CCDC68: variants seen among roughly 807,000 people sequenced by gnomAD.
CCDC68 encodes the protein coiled-coil domain-containing protein 68.
A neutral mutation model predicts 47.1 loss-of-function variants in CCDC68; 45 were observed. That is an observed-to-expected ratio of 0.96 (90% CI 0.75 to 1.23). CCDC68 has a LOEUF of 1.23. CCDC68 is among the 50% of genes most tolerant of loss of function. CCDC68 has a pLI of 0.00. For synonymous variants in CCDC68, 131 were observed against 129.5 expected (o/e 1.01, Z -0.08); for missense variants, 353 against 373.6 (o/e 0.94, Z 0.45).
intron 8 of CCDC68, among the ~76,000 whole-genome samples, chr18:54,927,214 C>G (rs1383077920): frequency 6.6e-6 from 1 of 152,090 alleles, no homozygotes; most frequent in Non-Finnish European, 1.5e-5. Flanking sequence ...ATGTATGATA[C>G]CTACAATCTG....
rs571347958 is a variant in CCDC68 at position 54,926,319 on chromosome 18, T to C, written c.683+2481A>G. Among the ~76,000 whole-genome samples, 9 of 152,298 alleles carry C rather than the reference T, an allele frequency of 5.9e-5. No homozygotes were observed. The East Asian group carries it at 1.7e-3, about 29-fold the overall frequency. On this transcript the variant is annotated intron_variant, in intron 8 of 11. Transcript: ENST00000591504. ...GTCATGTTGGAAGGGCAAGTAAACATGTCCTTCTTCACATGGCGGGCCAAA... is the reference window on the plus strand; with the variant it reads ...GTCATGTTGGAAGGGCAAGTAAACACGTCCTTCTTCACATGGCGGGCCAAA...
intron 2 of CCDC68, among the ~76,000 whole-genome samples, chr18:54,945,024 C>G (rs970715937): frequency 1.9e-4 from 29 of 152,246 alleles, no homozygotes; most frequent in African/African-American, 7.0e-4. Flanking sequence ...TGTAATTTTG[C>G]TAGCTGTGAT....
At chr18:54,916,991 T>C (rs1401503930) in intron 10 of CCDC68, among the ~76,000 whole-genome samples, 1 of 152,160 alleles carries the variant, frequency 6.6e-6, no homozygotes, top group Non-Finnish European at 1.5e-5. Context: ...CCTTCCGCCA[T>C]GCCATGATTG....
chr18:54,941,828 C>T (rs942464169), intron 3 of CCDC68, among the ~76,000 whole-genome samples: 1 of 151,996 alleles, frequency 6.6e-6, no homozygotes, highest in Non-Finnish European at 1.5e-5. Flanking sequence ...TGGAGTCTTG[C>T]TCTGTTGCCC....
rs756691126 is a variant in CCDC68 at position 54,942,773 on chromosome 18, T to C, written c.19A>G (p.Thr7Ala). 6.2e-7 allele frequency: 1 copy of C among 1,607,602 alleles called. No homozygotes were observed. Among genetic ancestry groups the C allele is most frequent in the Non-Finnish European group, 8.5e-7 (1 of 1,174,744 alleles). MTTVTV[T>A]TEIPPRDKME... ...TTATCCCTTGGGGGAATTTCTGTGGTCACTGTCACTGTTGTCATTGTGAAT... is the reference window on the plus strand; with the variant it reads ...TTATCCCTTGGGGGAATTTCTGTGGCCACTGTCACTGTTGTCATTGTGAAT... The change falls in exon 3 of 12, where the codon ACC becomes GCC. Residue 7 changes from threonine to alanine, a missense_variant. By Grantham distance (58) the Thr-to-Ala change is moderately conservative (BLOSUM62 0). Coordinates refer to ENST00000591504, the MANE Select transcript of CCDC68 (RefSeq NM_025214.3).
At chr18:54,909,247 T>A (rs1181847193) in intron 10 of CCDC68, among the ~76,000 whole-genome samples, 1 of 152,188 alleles carries the variant, frequency 6.6e-6, no homozygotes, top group Non-Finnish European at 1.5e-5. Context: ...CACACCCATA[T>A]AAAAGTGTCT....
chr18:54,937,842 G>T, intron 5 of CCDC68, 115 bp downstream of exon 5: 1 of 725,128 alleles, frequency 1.4e-6, no homozygotes, highest in Non-Finnish European at 2.1e-6. Flanking sequence ...CATGCAGATG[G>T]ACCTATGGAT....
chr18:54,946,021 A>T (rs1474341370), intron 1 of CCDC68, among the ~76,000 whole-genome samples: 1 of 152,194 alleles, frequency 6.6e-6, no homozygotes, highest in South Asian at 2.1e-4. Flanking sequence ...TACATTTTTG[A>T]ATGGTCAAAC....
intron 11 of CCDC68, among the ~76,000 whole-genome samples, chr18:54,907,152 T>G (rs779722543): frequency 6.6e-6 from 1 of 152,192 alleles, no homozygotes; most frequent in Non-Finnish European, 1.5e-5. Flanking sequence ...TTCATGGGGT[T>G]TGTGGAAATG....
At chr18:54,915,798 G>A (rs2043938019) in intron 10 of CCDC68, among the ~76,000 whole-genome samples, 2 of 152,010 alleles carry the variant, frequency 1.3e-5, no homozygotes, top group South Asian at 2.1e-4. Flanking sequence ...GTGACATGGT[G>A]TGCGCCTGTA....
In CCDC68 at chr18:54,928,839, T is replaced by C. The variant is rs773131156; in HGVS notation, c.644A>G (p.Lys215Arg). 4 of 1,612,810 alleles carry C rather than the reference T, an allele frequency of 2.5e-6. No individual in the cohort carries two copies. The highest frequency in any genetic ancestry group is 3.4e-6 in the Non-Finnish European group (4 of 1,178,800). ...AGCACTGGATTTGAGTTGCAGTAGC[T>C]TGTTTTCCAAAGACAGTTTTCTTTC... ...LLERKLSLEN[K>R]LLQLKSSATY... The change falls in exon 8 of 12, where the codon AAG (lysine) becomes AGG (arginine). Residue 215 changes from lysine to arginine, a missense_variant. By Grantham distance (26) the Lys-to-Arg change is conservative (BLOSUM62 2). Coordinates refer to ENST00000591504, the MANE Select transcript of CCDC68 (RefSeq NM_025214.3).
chr18:54,940,976 T>C, intron 4 of CCDC68, 21 bp downstream of exon 4: 2 of 1,545,222 alleles, frequency 1.3e-6, no homozygotes, highest in African/African-American at 1.4e-5. Flanking sequence ...TTTATGCTAA[T>C]CTTCTGCAGG....
intron 1 of CCDC68, among the ~76,000 whole-genome samples, chr18:54,956,571 T>G (rs1339390198): frequency 6.6e-6 from 1 of 152,210 alleles, no homozygotes; most frequent in African/African-American, 2.4e-5. Context: ...TAAATCCTAG[T>G]TAAGCAATAA....
At chr18:54,904,473 G>A in intron 11 of CCDC68, 58 bp from the exon 12 acceptor site, 3 of 1,337,426 alleles carry the variant, frequency 2.2e-6, no homozygotes, top group Non-Finnish European at 2.2e-6. Flanking sequence ...AGTGATTATG[G>A]CTAGACTACC....
chr18:54,944,566 A>G (rs2044493762), intron 2 of CCDC68, among the ~76,000 whole-genome samples: 1 of 152,228 alleles, frequency 6.6e-6, no homozygotes, highest in South Asian at 2.1e-4. Context: ...CACAATGCTT[A>G]CTGTCCACCT....
At chr18:54,911,720 T>G (rs557512874) in intron 10 of CCDC68, among the ~76,000 whole-genome samples, 4 of 152,318 alleles carry the variant, frequency 2.6e-5, no homozygotes, top group Admixed American at 1.3e-4. Flanking sequence ...ACTCCCTTGA[T>G]GACAAGCATG....
At chr18:54,940,787 T>A (rs1328025191) in intron 4 of CCDC68, among the ~76,000 whole-genome samples, 1 of 152,234 alleles carries the variant, frequency 6.6e-6, no homozygotes, top group East Asian at 1.9e-4. Context: ...AAGCCTTGTT[T>A]AATATATTCA....
chr18:54,934,716 ATTATC>A, intron 7 of CCDC68, 99 bp downstream of exon 7: 1 of 835,664 alleles, frequency 1.2e-6, no homozygotes, highest in Non-Finnish European at 1.6e-6. Flanking sequence ...TTCACATAAT[ATTATC>A]TTATTTAATT....
rs1033288641 is a variant in CCDC68 at position 54,903,153 on chromosome 18, T to C, written c.*1205A>G. On this transcript the variant is annotated 3_prime_UTR_variant, in exon 12 of 12. Transcript: ENST00000591504. Reference sequence around the variant, plus strand: ...ATTTTTATATACCTTCAAATATTTATAGACAACACTGATATTTCACATTCC... The same window carrying C: ...ATTTTTATATACCTTCAAATATTTACAGACAACACTGATATTTCACATTCC... 1 of 152,220 alleles carries C rather than the reference T, an allele frequency of 6.6e-6. No homozygotes were observed. Among genetic ancestry groups the C allele is most frequent in the Non-Finnish European group, 1.5e-5 (1 of 68,038 alleles). The allele number at this position is 152,220 out of a possible 1,614,324, so 9.4% of individuals were successfully genotyped here. A position where few individuals can be genotyped will look rare whatever the true frequency, so the allele number is the denominator to read the frequency against.
Sources: allele counts gnomAD v4.1 joint callset (sites outside exome capture counted in the v4.1 genomes callset), GRCh38; gene constraint gnomAD v4.1.1; transcripts MANE v1.5; gene names NCBI Gene and HGNC (gene_info 2026-07-23, HGNC 2026-07-21).